The following VIPR2 variants were observed in gnomAD, a reference collection of about 807,000 sequenced individuals.
The protein encoded by VIPR2 is vasoactive intestinal peptide receptor 2.
Under a neutral mutation model 58.0 loss-of-function variants are expected in VIPR2, and 48 were observed. The ratio of observed to expected loss-of-function variants is 0.83; its 90% CI spans 0.66 to 1.05. The LOEUF (loss-of-function observed/expected upper bound fraction) is 1.05, where lower values mean the gene tolerates loss of function less well. VIPR2 is among the 50% of genes least tolerant of loss of function. The pLI is 0.00. For synonymous variants in VIPR2, 243 were observed against 235.2 expected (o/e 1.03, Z -0.30); for missense variants, 534 against 558.0 (o/e 0.96, Z 0.43).
chr7:159,060,103 CACCTA>C (rs1855552920), intron 4 of VIPR2, among the ~76,000 whole-genome samples: 1 of 150,414 alleles, frequency 6.6e-6, no homozygotes, highest in Admixed American at 6.6e-5. Flanking sequence ...AACCTCACCT[CACCTA>C]ATCACCACCT....
chr7:159,035,647 C>A, intron 8 of VIPR2: 2 of 978,982 alleles, frequency 2.0e-6, no homozygotes, highest in Non-Finnish European at 2.4e-6. Flanking sequence ...GGGCACTTGG[C>A]TTTCTTCTGT....
In VIPR2 at chr7:159,117,516, T is replaced by C. The variant is rs914934104; in HGVS notation, c.152-7597A>G. 8 of 674,248 alleles carry C rather than the reference T, an allele frequency of 1.2e-5. No homozygotes were observed. The African/African-American group carries it at 1.4e-4, about 12-fold the overall frequency. 41.8% of individuals were successfully genotyped at this position (674,248 alleles called of 1,614,324 possible). A position where few individuals can be genotyped will look rare whatever the true frequency, so the allele number is the denominator to read the frequency against. ...GGGCTGCACCTGCTGACCTGAGTCATGGACACAGATGGGTGCAACTCCAGT... is the reference window on the plus strand; with the variant it reads ...GGGCTGCACCTGCTGACCTGAGTCACGGACACAGATGGGTGCAACTCCAGT... On this transcript the variant is annotated intron_variant, in intron 2 of 12. Coordinates refer to ENST00000262178, the MANE Select transcript of VIPR2 (RefSeq NM_003382.5).
intron 2 of VIPR2, among the ~76,000 whole-genome samples, chr7:159,132,650 C>T (rs541177903): frequency 4.6e-5 from 7 of 152,362 alleles, no homozygotes; most frequent in East Asian, 3.9e-4. Flanking sequence ...GTCACAGTGG[C>T]CACAGTGGGA....
intron 10 of VIPR2, among the ~76,000 whole-genome samples, chr7:159,033,550 GATC>G (rs1853720829): frequency 6.6e-6 from 1 of 152,134 alleles, no homozygotes; most frequent in Non-Finnish European, 1.5e-5. Flanking sequence ...AGATTCCCCG[GATC>G]ATCATGAATT....
chr7:159,034,159 C>G (rs1434513414), intron 10 of VIPR2, 54 bp downstream of exon 10: 1 of 1,580,842 alleles, frequency 6.3e-7, no homozygotes, highest in Non-Finnish European at 8.7e-7. Flanking sequence ...TGGGGGTCTC[C>G]TGTCTCCACA....
chr7:159,030,275 G>A lies in VIPR2; in HGVS notation c.*341C>T. The stretch of plus-strand genomic sequence containing the variant: ...GGAGAATGGCGTGAACCCGGGAGGC[G>A]GAGCTTGCAGGGAGCAGAGATCAGG... On this transcript the variant is annotated 3_prime_UTR_variant, in exon 13 of 13. Coordinates refer to ENST00000262178, the MANE Select transcript of VIPR2 (RefSeq NM_003382.5). 8.0e-6 allele frequency: 2 copies of A among 251,196 alleles called. No individual in the cohort carries two copies. The highest frequency in any genetic ancestry group is 1.7e-4 in the South Asian group (1 of 5,760). The allele number at this position is 251,196 out of a possible 1,614,324, so 15.6% of individuals were successfully genotyped here.
In VIPR2 at chr7:159,034,307, G is replaced by A. The variant is rs1386674593; in HGVS notation, c.880-3C>T. ...CTAATGAAAAGGACAAAATTGACCT[G>A]CACAAGAGATAATAAGTTTGTGAAA... On this transcript the variant is annotated splice_region_variant and splice_polypyrimidine_tract_variant and intron_variant, in intron 9 of 12. Coordinates refer to ENST00000262178, the MANE Select transcript of VIPR2 (RefSeq NM_003382.5). The A allele has an allele frequency of 2.5e-6, 4 of 1,613,324 alleles. 1 individual carries two copies. In the Admixed American group the frequency reaches 5.0e-5, roughly 20 times the overall value.
chr7:159,084,967 T>C (rs11979984), intron 4 of VIPR2, among the ~76,000 whole-genome samples: 15,457 of 152,224 alleles, frequency 0.1, 2,016 homozygotes, highest in African/African-American at 0.3. Context: ...AAGCTTCTTC[T>C]AAAAACGGAG....
At chr7:159,062,059 G>C (rs1232163496) in intron 4 of VIPR2, among the ~76,000 whole-genome samples, 4 of 152,240 alleles carry the variant, frequency 2.6e-5, no homozygotes, top group Non-Finnish European at 5.9e-5. Context: ...CGAGGTGTGG[G>C]GTCTTCAGGC....
rs931201529 is a variant in VIPR2, at chr7:159,127,745, G to A, written c.151+14701C>T. Among the ~76,000 whole-genome samples, 3 of 152,202 alleles carry A rather than the reference G, an allele frequency of 2.0e-5. No individual in the cohort carries two copies. The highest frequency in any genetic ancestry group is 6.5e-5 in the Admixed American group (1 of 15,280). ...ATACCTGACTCTTCCTCTTCCAGAT[G>A]TTTGCTGTTATTACCTTCATGGACA... On this transcript the variant is annotated intron_variant, in intron 2 of 12. Transcript: ENST00000262178. This position sits in a 1 kb window ranked among gnomAD's most constrained non-coding sequence, Gnocchi z 4.6.
Position 159,043,929 on chromosome 7 carries a change from G to A in VIPR2, c.456-753C>T, listed in dbSNP as rs147478471. 3.2e-3 allele frequency among the ~76,000 whole-genome samples: 484 copies of A among 152,328 alleles called. 5 individuals are homozygous for A. Among genetic ancestry groups the A allele is most frequent in the African/African-American group, 0.011 (457 of 41,584 alleles). ...AAAGCTGTGGAGTGAGAATCTTGGAGAATAAGGGCTTCAAGAAGCTCTCAC... is the reference window on the plus strand; with the variant it reads ...AAAGCTGTGGAGTGAGAATCTTGGAAAATAAGGGCTTCAAGAAGCTCTCAC... On this transcript the variant is annotated intron_variant, in intron 5 of 12. Coordinates refer to ENST00000262178, the MANE Select transcript of VIPR2 (RefSeq NM_003382.5).
chr7:159,064,216 G>A (rs1286153480), intron 4 of VIPR2, among the ~76,000 whole-genome samples: 5 of 152,064 alleles, frequency 3.3e-5, no homozygotes, highest in Admixed American at 3.3e-4. Context: ...CGCCGGGCCA[G>A]GAGGGCTCCT....
intron 4 of VIPR2, among the ~76,000 whole-genome samples, chr7:159,101,536 C>T (rs1479245878): frequency 1.1e-4 from 14 of 127,852 alleles, no homozygotes; most frequent in African/African-American, 2.3e-4. Context: ...CGAGATCCGA[C>T]GAGGCGGTTC....
In VIPR2 at chr7:159,127,788, C is replaced by T. The variant is rs537183879; in HGVS notation, c.151+14658G>A. 2.1e-4 allele frequency among the ~76,000 whole-genome samples: 32 copies of T among 152,326 alleles called. No individual in the cohort carries two copies. Among genetic ancestry groups the T allele is most frequent in the East Asian group, 3.9e-4 (2 of 5,180 alleles). The stretch of plus-strand genomic sequence containing the variant: ...CATGGACAGCCAGTGCTTCCTTCCA[C>T]GTCAAATATTCTCAAACCCTTTTCC... On this transcript the variant is annotated intron_variant, in intron 2 of 12. Coordinates refer to ENST00000262178, the MANE Select transcript of VIPR2 (RefSeq NM_003382.5). The surrounding 1 kb of genome is among the most constrained non-coding windows in gnomAD (Gnocchi z 4.6).
chr7:159,053,678 G>A (rs1327659073), intron 5 of VIPR2, among the ~76,000 whole-genome samples: 4 of 152,140 alleles, frequency 2.6e-5, no homozygotes, highest in Non-Finnish European at 5.9e-5. Context: ...AGCTGGAACT[G>A]CAGGCATGTG....
At chr7:159,130,797 C>T (rs905924340) in intron 2 of VIPR2, among the ~76,000 whole-genome samples, 2 of 152,240 alleles carry the variant, frequency 1.3e-5, no homozygotes, top group African/African-American at 4.8e-5. Context: ...CAGGTGGTTA[C>T]ATTCTTCACT....
chr7:159,101,478 C>T (rs181592209), intron 4 of VIPR2, among the ~76,000 whole-genome samples: 707 of 132,738 alleles, frequency 5.3e-3, no homozygotes, highest in Admixed American at 0.014. Flanking sequence ...TCACGAGATC[C>T]GACAAGGCCG....
At chr7:159,068,169 AAC>A (rs1204813309) in intron 4 of VIPR2, among the ~76,000 whole-genome samples, 2 of 152,182 alleles carry the variant, frequency 1.3e-5, no homozygotes, top group Non-Finnish European at 2.9e-5. Context: ...ACCCTGCCCC[AAC>A]AGTGTGTAGA....
In VIPR2 at chr7:159,030,517, C is replaced by A; in HGVS notation, c.*99G>T. On this transcript the variant is annotated 3_prime_UTR_variant, in exon 13 of 13. Coordinates refer to ENST00000262178, the MANE Select transcript of VIPR2 (RefSeq NM_003382.5). ...GTCAGGACCGCGCTGACCTGCCCGA[C>A]ACGGTGCTCGGGCATCTGGAAGGAG... 1 of 1,408,208 alleles carries A rather than the reference C, an allele frequency of 7.1e-7. No individual in the cohort carries two copies. The highest frequency in any genetic ancestry group is 9.4e-7 in the Non-Finnish European group (1 of 1,065,776). The allele number at this position is 1,408,208 out of a possible 1,614,324, so 87.2% of individuals were successfully genotyped here. A position where few individuals can be genotyped will look rare whatever the true frequency, so the allele number is the denominator to read the frequency against.
Sources: gnomAD v4.1 joint callset for allele counts (sites outside exome capture counted in the v4.1 genomes callset) on GRCh38, gnomAD v4.1.1 for gene constraint, Gnocchi (gnomAD v3.1) non-coding constraint, MANE v1.5 for transcripts, NCBI Gene and HGNC (gene_info 2026-07-23, HGNC 2026-07-21) for gene names.